Variants in ARMH3 observed in about 807,000 individuals in gnomAD.
ARMH3 encodes the protein armadillo like helical domain containing 3, also known as armadillo-like helical domain-containing protein 3.
Under a neutral mutation model 99.1 loss-of-function variants are expected in ARMH3, and 60 were observed. The observed-to-expected ratio is 0.61, with a 90% CI of 0.49 to 0.75. The LOEUF is 0.75. Among genes scored for constraint, ARMH3 ranks in the 30% least tolerant of loss-of-function variants. ARMH3 has a pLI of 0.00. For missense variants in ARMH3, 679 were observed against 843.1 expected (o/e 0.81, Z 2.41); for synonymous variants, 285 against 292.8 (o/e 0.97, Z 0.27).
chr10:102,031,805 T>C (rs534991193), intron 4 of ARMH3, among the ~76,000 whole-genome samples: 4 of 152,322 alleles, frequency 2.6e-5, no homozygotes, highest in South Asian at 2.1e-4. Flanking sequence ...AGTGGCACCA[T>C]GTCAGCTCAC....
chr10:101,985,111 A>G (rs1475832981), intron 19 of ARMH3, among the ~76,000 whole-genome samples: 2 of 145,856 alleles, frequency 1.4e-5, no homozygotes, highest in African/African-American at 2.6e-5. Context: ...ACACACACAC[A>G]CGTGTACATA....
chr10:102,002,913 A>G (rs999509057), intron 14 of ARMH3, among the ~76,000 whole-genome samples: 6 of 151,628 alleles, frequency 4.0e-5, no homozygotes, highest in African/African-American at 1.5e-4. Context: ...GTGAGCCGAG[A>G]TGGCGCCACT....
intron 23 of ARMH3, among the ~76,000 whole-genome samples, chr10:101,938,907 A>G (rs1424870816): frequency 1.3e-5 from 2 of 152,148 alleles, no homozygotes; most frequent in African/African-American, 4.8e-5. Context: ...TTAACACACA[A>G]ATTTCACACT....
chr10:102,050,359 G>T (rs542241900), intron 1 of ARMH3, among the ~76,000 whole-genome samples: 1 of 151,308 alleles, frequency 6.6e-6, no homozygotes, highest in South Asian at 2.1e-4. Flanking sequence ...TGAGGCAAGA[G>T]AATGGCTGAA....
At chr10:101,942,865 C>CAA (rs1048644026) in intron 22 of ARMH3, among the ~76,000 whole-genome samples, 3 of 91,094 alleles carry the variant, frequency 3.3e-5, no homozygotes, top group Admixed American at 1.1e-4. Context: ...GACTCCATCT[C>CAA]AAAAAAAAAA....
At chr10:102,037,091 A>C (rs2067296070) in intron 2 of ARMH3, among the ~76,000 whole-genome samples, 1 of 151,946 alleles carries the variant, frequency 6.6e-6, no homozygotes, top group Admixed American at 6.6e-5. Context: ...AATTAAAATA[A>C]AACAGCATAA....
intron 19 of ARMH3, among the ~76,000 whole-genome samples, chr10:101,981,834 C>T (rs1306539050): frequency 2.0e-5 from 3 of 151,216 alleles, no homozygotes; most frequent in Non-Finnish European, 2.9e-5. Flanking sequence ...TTGGCTAGCA[C>T]GGTGAAACCC....
intron 22 of ARMH3, among the ~76,000 whole-genome samples, chr10:101,943,758 C>A (rs1273643845): frequency 6.6e-6 from 1 of 151,854 alleles, no homozygotes; most frequent in Non-Finnish European, 1.5e-5. Flanking sequence ...AAGGAGAAGA[C>A]AAGGACAATA....
intron 8 of ARMH3, among the ~76,000 whole-genome samples, chr10:102,020,683 G>GAAAAAAAAAAAAAA (rs897977927): frequency 1.1e-5 from 1 of 87,570 alleles, no homozygotes; most frequent in Non-Finnish European, 2.4e-5. Flanking sequence ...CTCCATCTCA[G>GAAAAAAAAAAAAAA]AAAAAAAAAA....
intron 8 of ARMH3, among the ~76,000 whole-genome samples, chr10:102,020,026 GCCT>G (rs1564854837): frequency 7.4e-5 from 11 of 147,976 alleles, no homozygotes; most frequent in Admixed American, 1.3e-4. Context: ...TTTGAGACCA[GCCT>G]GGTCTCAAAC....
At chr10:102,033,419 GT>G in intron 2 of ARMH3, 80 bp from the exon 3 acceptor site, 1 of 1,360,220 alleles carries the variant, frequency 7.4e-7, no homozygotes, top group Non-Finnish European at 1.0e-6. Flanking sequence ...GTCAACCTTA[GT>G]TTTCTTTTTT....
At chr10:102,009,505 G>A in intron 12 of ARMH3, 56 bp from the exon 13 acceptor site, 1 of 1,387,934 alleles carries the variant, frequency 7.2e-7, no homozygotes, top group Non-Finnish European at 1.0e-6. Flanking sequence ...AGTTAAAACA[G>A]TATAACCATG....
intron 24 of ARMH3, among the ~76,000 whole-genome samples, chr10:101,885,437 T>G (rs1220384794): frequency 6.6e-6 from 1 of 152,208 alleles, no homozygotes; most frequent in Admixed American, 6.5e-5. Context: ...CAATGGAATA[T>G]TATTAAACCT....
intron 4 of ARMH3, among the ~76,000 whole-genome samples, chr10:102,031,779 G>A (rs773273462): frequency 6.6e-5 from 10 of 151,822 alleles, no homozygotes; most frequent in African/African-American, 2.2e-4. Flanking sequence ...TCGCTCTGTC[G>A]CCCAGGCTGG....
chr10:101,913,326 A>G (rs1842941319), intron 23 of ARMH3: 1 of 150,516 alleles, frequency 6.6e-6, no homozygotes, highest in South Asian at 2.1e-4. Context: ...AAGGACAGAC[A>G]GAAGGAAGTA....
intron 15 of ARMH3, 35 bp downstream of exon 15, chr10:102,001,936 T>C: frequency 6.3e-7 from 1 of 1,591,068 alleles, no homozygotes. Flanking sequence ...GCCACACCTT[T>C]GACTTCCTGA....
chr10:101,944,269 TATATAGAGAGAG>T (rs1159317660), intron 22 of ARMH3, among the ~76,000 whole-genome samples: 3 of 44,944 alleles, frequency 6.7e-5, no homozygotes, highest in African/African-American at 1.1e-4. Context: ...TATATATATA[TATATAGAGAGAG>T]AGAGAGAGAG....
intron 16 of ARMH3, among the ~76,000 whole-genome samples, chr10:101,994,803 G>A (rs1248578691): frequency 6.6e-6 from 1 of 152,148 alleles, no homozygotes; most frequent in Non-Finnish European, 1.5e-5. Flanking sequence ...TTGGGAGGCC[G>A]AGGTGGGTGG....
At chr10:101,870,133 C>T (rs189297296) in intron 24 of ARMH3, among the ~76,000 whole-genome samples, 93 of 152,248 alleles carry the variant, frequency 6.1e-4, no homozygotes, top group African/African-American at 2.0e-3. Flanking sequence ...GGCTGATAAG[C>T]AACAGAAGAG....
Sources: allele counts gnomAD v4.1 joint callset (sites outside exome capture counted in the v4.1 genomes callset), GRCh38; gene constraint gnomAD v4.1.1; transcripts MANE v1.5; gene names NCBI Gene and HGNC (gene_info 2026-07-23, HGNC 2026-07-21).